Variants in ABCA12 observed in about 807,000 individuals in gnomAD.
ABCA12 encodes the protein glucosylceramide transporter ABCA12.
Under a neutral mutation model 293.5 loss-of-function variants are expected in ABCA12, and 156 were observed. That is an observed-to-expected ratio of 0.53 (90% CI 0.47 to 0.61). The LOEUF is 0.61. Ranked by LOEUF, ABCA12 falls within the 20% of genes least tolerant of loss-of-function variation. The probability of loss-of-function intolerance (pLI) is 0.00; values close to 1 mark genes in which losing one functional copy is unlikely to be tolerated. For missense variants in ABCA12, 2,797 were observed against 3,090.2 expected (o/e 0.91, Z 2.25); for synonymous variants, 1,063 against 1,108.0 (o/e 0.96, Z 0.81).
chr2:215,084,014 G>A (rs1179146325), intron 2 of ABCA12, among the ~76,000 whole-genome samples: 1 of 152,016 alleles, frequency 6.6e-6, no homozygotes, highest in Non-Finnish European at 1.5e-5. Context: ...GTCTTACTGT[G>A]TTGCCCAGGC....
intron 2 of ABCA12, among the ~76,000 whole-genome samples, chr2:215,092,965 C>T (rs906608503): frequency 2.0e-5 from 3 of 152,168 alleles, no homozygotes; most frequent in African/African-American, 7.2e-5. Flanking sequence ...TCAGGGACAG[C>T]CCCCATTACT....
intron 6 of ABCA12, among the ~76,000 whole-genome samples, chr2:215,048,653 A>C (rs1701253920): frequency 1.3e-5 from 2 of 152,168 alleles, no homozygotes; most frequent in African/African-American, 4.8e-5. Context: ...CAGTGAGCTG[A>C]GATAGCACCT....
intron 41 of ABCA12, among the ~76,000 whole-genome samples, chr2:214,957,435 T>C (rs1411007268): frequency 1.3e-5 from 2 of 152,214 alleles, no homozygotes; most frequent in East Asian, 1.9e-4. Context: ...AAGTACTAAG[T>C]AGACCTTCAC....
intron 37 of ABCA12, 41 bp downstream of exon 37, chr2:214,970,232 A>C: frequency 6.3e-7 from 1 of 1,579,844 alleles, no homozygotes; most frequent in Non-Finnish European, 8.6e-7. Context: ...TACCATTAAA[A>C]TTAGCAAGCA....
chr2:215,092,581 C>T lies in ABCA12; in HGVS notation c.163+19016G>A, dbSNP rs149266232. ...ACCCCACTCAATGCTAATACCCCAT[C>T]CCACAGCAGGCTTTAAAACGGTTAA... is the stretch of plus-strand genomic sequence containing the variant. On this transcript the variant is annotated intron_variant, in intron 2 of 52. Transcript: ENST00000272895. Among the ~76,000 whole-genome samples the T allele has an allele frequency of 6.6e-5, 10 of 152,236 alleles. No homozygotes were observed. The East Asian group carries it at 1.7e-3, about 26-fold the overall frequency.
chr2:215,079,007 C>T (rs1443694056), intron 2 of ABCA12, among the ~76,000 whole-genome samples: 1 of 152,180 alleles, frequency 6.6e-6, no homozygotes, highest in Non-Finnish European at 1.5e-5. Flanking sequence ...CCTCTTCCCT[C>T]TTGTCCTTTT....
At chr2:214,940,096 G>A (rs1338950744) in intron 50 of ABCA12, among the ~76,000 whole-genome samples, 1 of 152,094 alleles carries the variant, frequency 6.6e-6, no homozygotes, top group Non-Finnish European at 1.5e-5. Flanking sequence ...TATTGGCTGT[G>A]GGTTTGTCAT....
At position 214,997,816 on chromosome 2, in the gene ABCA12, A is replaced by G; in HGVS notation, c.3180-7T>C. On this transcript the variant is annotated splice_polypyrimidine_tract_variant and splice_region_variant and intron_variant, in intron 22 of 52. Transcript: ENST00000272895. ...AGAGACACTGGTTAGGAAGCTGTAA[A>G]ACAAACAAAAAAAGAAAAATTCAGC... 1.9e-6 allele frequency: 3 copies of G among 1,588,410 alleles called. No individual in the cohort carries two copies. The highest frequency in any genetic ancestry group is 2.6e-6 in the Non-Finnish European group (3 of 1,156,968).
chr2:215,030,957 T>A (rs1700864771), intron 9 of ABCA12, among the ~76,000 whole-genome samples: 1 of 152,218 alleles, frequency 6.6e-6, no homozygotes, highest in Admixed American at 6.5e-5. Context: ...AGAATTTCAA[T>A]AGTATAATTT....
chr2:215,103,541 G>T (rs1023270755), intron 2 of ABCA12, among the ~76,000 whole-genome samples: 4 of 151,894 alleles, frequency 2.6e-5, no homozygotes, highest in Non-Finnish European at 4.4e-5. Context: ...CAAGTGCTGG[G>T]ATTATAGGCA....
At chr2:215,118,345 C>G (rs934085183) in intron 1 of ABCA12, among the ~76,000 whole-genome samples, 5 of 151,828 alleles carry the variant, frequency 3.3e-5, no homozygotes, top group Admixed American at 2.6e-4. Flanking sequence ...GAGGTTGCAG[C>G]GAGCCGAGAT....
chr2:214,976,971 GA>G (rs1699531442), intron 33 of ABCA12, among the ~76,000 whole-genome samples: 1 of 152,136 alleles, frequency 6.6e-6, no homozygotes, highest in Non-Finnish European at 1.5e-5. Flanking sequence ...TTTTCCATCA[GA>G]AATTATGCAG....
In ABCA12 at chr2:215,064,046, C is replaced by T. The variant is rs1431364657; in HGVS notation, c.317+20G>A. ...TTTGATCTCTCAGAACAATTGAACA[C>T]ACTTGAGAAGTGCCCCCACCTGTCT... On this transcript the variant is annotated intron_variant, in intron 3 of 52. Transcript: ENST00000272895. 6.2e-7 allele frequency: 1 copy of T among 1,612,348 alleles called. No homozygotes were observed. Among genetic ancestry groups the T allele is most frequent in the South Asian group, 1.1e-5 (1 of 91,072 alleles).
chr2:214,969,675 T>C (rs993877472), intron 37 of ABCA12, among the ~76,000 whole-genome samples: 3 of 152,130 alleles, frequency 2.0e-5, no homozygotes, highest in East Asian at 1.9e-4. Flanking sequence ...AGAAATAATA[T>C]TCTTTTTCTT....
rs75723433 is a variant in ABCA12, at chr2:215,026,868, A to G, written c.1132T>C (p.Leu378=). Residue 378 remains leucine, a synonymous_variant, in exon 10 of 53, where the codon TTG becomes CTG. Transcript: ENST00000272895. The part of the protein sequence containing the change: ...ISANSPYIPY[L]ACVRNVTDSL... ...TCAGTCACATTTCTCACACATGCCA[A>G]GTAAGGAATATAAGGACTATTTGCT... The G allele has an allele frequency of 1.9e-4, 311 of 1,613,832 alleles. 1 individual carries two copies. The African/African-American group carries it at 3.8e-3, about 19-fold the overall frequency.
intron 43 of ABCA12, among the ~76,000 whole-genome samples, chr2:214,954,708 G>T (rs550424501): frequency 1.3e-4 from 20 of 152,176 alleles, no homozygotes; most frequent in African/African-American, 4.8e-4. Context: ...CACTGTTAGT[G>T]CTTCTCTTCT....
At chr2:215,016,224 G>A (rs1700494837) in intron 14 of ABCA12, among the ~76,000 whole-genome samples, 1 of 151,912 alleles carries the variant, frequency 6.6e-6, no homozygotes, top group African/African-American at 2.4e-5. Flanking sequence ...CTGAACAGCT[G>A]GGTGAATGAT....
At chr2:214,953,729 T>A in intron 44 of ABCA12, 125 bp downstream of exon 44, 2 of 1,270,656 alleles carry the variant, frequency 1.6e-6, no homozygotes, top group South Asian at 1.5e-5. Context: ...TAGAATTTTT[T>A]AAAAGTTTTT....
intron 11 of ABCA12, among the ~76,000 whole-genome samples, chr2:215,024,416 G>C (rs2106020251): frequency 6.6e-6 from 1 of 152,218 alleles, no homozygotes; most frequent in South Asian, 2.1e-4. Flanking sequence ...GAGCACAGAA[G>C]AAAAAGTCAT....
Sources: gnomAD v4.1 joint callset for allele counts (sites outside exome capture counted in the v4.1 genomes callset) on GRCh38, gnomAD v4.1.1 for gene constraint, MANE v1.5 for transcripts, NCBI Gene and HGNC (gene_info 2026-07-23, HGNC 2026-07-21) for gene names.